SPAG16: variants seen among roughly 807,000 people sequenced by gnomAD.
SPAG16 encodes sperm associated antigen 16.
A neutral mutation model predicts 80.4 loss-of-function variants in SPAG16; 86 were observed. The observed-to-expected ratio is 1.07, with a 90% CI of 0.90 to 1.28. SPAG16 has a LOEUF of 1.28. Among genes scored for constraint, SPAG16 ranks in the 50% most tolerant of loss-of-function variants. SPAG16 has a pLI of 0.00. For missense variants in SPAG16, 870 were observed against 765.3 expected, an observed-to-expected ratio of 1.14 and a Z score of -1.61; for synonymous variants, 294 against 265.9, an observed-to-expected ratio of 1.11 and a Z score of -1.03.
At chr2:213,457,596 A>G (rs541703387) in intron 9 of SPAG16, among the ~76,000 whole-genome samples, 3 of 151,926 alleles carry the variant, frequency 2.0e-5, no homozygotes, top group South Asian at 2.1e-4. Context: ...TTTTTTTAAA[A>G]CCCTTGTATT....
chr2:213,511,400 A>G (rs1195920034), intron 10 of SPAG16, among the ~76,000 whole-genome samples: 1 of 152,150 alleles, frequency 6.6e-6, no homozygotes, highest in African/African-American at 2.4e-5. Flanking sequence ...GTATAGTTAA[A>G]TAAATCACTT....
intron 10 of SPAG16, among the ~76,000 whole-genome samples, chr2:213,532,032 A>T (rs972405707): frequency 6.6e-6 from 1 of 152,224 alleles, no homozygotes; most frequent in African/African-American, 2.4e-5. Context: ...AAATACTGGC[A>T]TCAAGAAATT....
intron 12 of SPAG16, among the ~76,000 whole-genome samples, chr2:213,986,831 A>G (rs1262202551): frequency 2.1e-5 from 3 of 145,236 alleles, no homozygotes; most frequent in African/African-American, 7.6e-5. Flanking sequence ...TATTTGTCTA[A>G]TTTAATAATG....
chr2:214,212,357 C>T (rs1275019646), intron 15 of SPAG16, among the ~76,000 whole-genome samples: 2 of 152,082 alleles, frequency 1.3e-5, no homozygotes, highest in Non-Finnish European at 2.9e-5. Flanking sequence ...GAGGTAACTT[C>T]CTTGACCTCC....
intron 15 of SPAG16, among the ~76,000 whole-genome samples, chr2:214,379,264 G>A (rs968031220): frequency 3.9e-5 from 6 of 152,120 alleles, no homozygotes; most frequent in African/African-American, 1.4e-4. Context: ...CAAAGTAACA[G>A]GAAGAAAAAG....
At chr2:214,111,781 T>A (rs1359500783) in intron 14 of SPAG16, among the ~76,000 whole-genome samples, 1 of 152,198 alleles carries the variant, frequency 6.6e-6, no homozygotes, top group African/African-American at 2.4e-5. Context: ...TCCATTTGTT[T>A]GTGTCCTCTT....
intron 14 of SPAG16, among the ~76,000 whole-genome samples, chr2:214,129,953 T>G (rs2054682609): frequency 6.6e-6 from 1 of 152,128 alleles, no homozygotes; most frequent in South Asian, 2.1e-4. Flanking sequence ...CCATGAGATC[T>G]GTAGAGGAGA....
chr2:213,547,184 C>A (rs1453610350), intron 10 of SPAG16, among the ~76,000 whole-genome samples: 1 of 152,064 alleles, frequency 6.6e-6, no homozygotes, highest in East Asian at 1.9e-4. Flanking sequence ...GATATAGTTT[C>A]TTCCTATCAT....
chr2:213,487,692 G>T (rs192496407), intron 9 of SPAG16, among the ~76,000 whole-genome samples: 1 of 151,984 alleles, frequency 6.6e-6, no homozygotes, highest in Non-Finnish European at 1.5e-5. Context: ...TGATTAGGTC[G>T]TATTAAATAC....
At chr2:213,880,550 A>T (rs574259085) in intron 11 of SPAG16, among the ~76,000 whole-genome samples, 8 of 152,320 alleles carry the variant, frequency 5.3e-5, no homozygotes, top group African/African-American at 1.7e-4. Context: ...TTATTTGCCA[A>T]AGCTGATGTC....
chr2:213,382,828 G>A (rs2067239914), intron 9 of SPAG16, among the ~76,000 whole-genome samples: 1 of 152,120 alleles, frequency 6.6e-6, no homozygotes, highest in Admixed American at 6.6e-5. Flanking sequence ...AGATGGTCAA[G>A]GTTACTTTAG....
chr2:213,534,946 T>TAA (rs775402820), intron 10 of SPAG16, among the ~76,000 whole-genome samples: 3 of 152,004 alleles, frequency 2.0e-5, no homozygotes, highest in Non-Finnish European at 1.5e-5. Flanking sequence ...CTGGTGTTCT[T>TAA]AAAAGAAGAG....
At position 213,723,775 on chromosome 2, in the gene SPAG16, G is replaced by C. The variant is rs369179449; in HGVS notation, c.1071-138710G>C. The stretch of plus-strand genomic sequence containing the variant: ...CTTATATAACCATTTCCAGGGAGCT[G>C]TGCTTCAAAAATTCACAGACTCTCG... On this transcript the variant is annotated intron_variant, in intron 10 of 15. Coordinates refer to ENST00000331683, the MANE Select transcript of SPAG16 (RefSeq NM_024532.5). Among the ~76,000 whole-genome samples, 13 of 152,276 alleles carry C rather than the reference G, an allele frequency of 8.5e-5. No homozygotes were observed. In the East Asian group the frequency reaches 2.5e-3, roughly 29 times the overall value.
intron 15 of SPAG16, among the ~76,000 whole-genome samples, chr2:214,179,013 A>G (rs1444632280): frequency 6.6e-6 from 1 of 151,378 alleles, no homozygotes; most frequent in African/African-American, 2.4e-5. Context: ...TACAATCTAC[A>G]ATCACTATAA....
Position 213,339,006 on chromosome 2 carries a change from C to T in SPAG16, c.537-1157C>T, listed in dbSNP as rs577167416. ...CTATGTAACAAACCTTCACAACTTG[C>T]ACCTGTGCCCCAGAACTTAAAAAAA... On this transcript the variant is annotated intron_variant, in intron 5 of 15. Coordinates refer to ENST00000331683, the MANE Select transcript of SPAG16 (RefSeq NM_024532.5). Among the ~76,000 whole-genome samples, 5 of 140,642 alleles carry T rather than the reference C, an allele frequency of 3.6e-5. No homozygotes were observed. In the South Asian group the frequency reaches 7.3e-4, roughly 21 times the overall value. 92.3% of individuals were successfully genotyped at this position (140,642 alleles called of 152,430 possible).
chr2:214,062,006 C>G (rs2050284886), intron 13 of SPAG16, among the ~76,000 whole-genome samples: 1 of 148,902 alleles, frequency 6.7e-6, no homozygotes, highest in Admixed American at 6.8e-5. Context: ...CACACACACA[C>G]ACACACACAC....
chr2:213,863,830 T>C (rs1336548911), intron 11 of SPAG16, among the ~76,000 whole-genome samples: 1 of 152,196 alleles, frequency 6.6e-6, no homozygotes, highest in African/African-American at 2.4e-5. Flanking sequence ...TAGATCTTCC[T>C]GTTTTCCCAT....
At chr2:213,364,890 T>A (rs1210028166) in intron 8 of SPAG16, 2 of 152,222 alleles carry the variant, frequency 1.3e-5, no homozygotes. Flanking sequence ...CTTTCACACC[T>A]TGTTAACAAC....
chr2:213,678,476 G>C, intron 10 of SPAG16, among the ~76,000 whole-genome samples: 1 of 152,110 alleles, frequency 6.6e-6, no homozygotes, highest in Non-Finnish European at 1.5e-5. Context: ...TACCATCAGA[G>C]AATACTACAA....
Sources: gnomAD v4.1 joint callset for allele counts (sites outside exome capture counted in the v4.1 genomes callset) on GRCh38, gnomAD v4.1.1 for gene constraint, MANE v1.5 for transcripts, NCBI Gene and HGNC (gene_info 2026-07-23, HGNC 2026-07-21) for gene names.